ADARB2: variants seen among roughly 807,000 people sequenced by gnomAD.
The protein encoded by ADARB2 is inactive double-stranded RNA-specific editase B2.
A neutral mutation model predicts 62.2 loss-of-function variants in ADARB2; 25 were observed. The ratio of observed to expected loss-of-function variants is 0.40; its 90% CI spans 0.29 to 0.56. The LOEUF is 0.56. Among genes scored for constraint, ADARB2 ranks in the 20% least tolerant of loss-of-function variants. The pLI is 0.43. For synonymous variants in ADARB2, 572 were observed against 500.8 expected (o/e 1.14, Z -1.90); for missense variants, 1,071 against 1,077.4 (o/e 0.99, Z 0.08).
chr10:1,697,260 G>A (rs923410099), intron 1 of ADARB2, among the ~76,000 whole-genome samples: 40 of 152,104 alleles, frequency 2.6e-4, no homozygotes, highest in African/African-American at 9.4e-4. Flanking sequence ...CCTCTCTTCC[G>A]AAAGGAAAAT....
At chr10:1,569,130 AAG>A (rs35411726) in intron 1 of ADARB2, among the ~76,000 whole-genome samples, 2 of 151,340 alleles carry the variant, frequency 1.3e-5, no homozygotes, top group African/African-American at 2.4e-5. Context: ...GACAGAGACA[AAG>A]AGAGAGACAG....
At chr10:1,411,277 G>T (rs1020826375) in intron 1 of ADARB2, among the ~76,000 whole-genome samples, 3 of 152,186 alleles carry the variant, frequency 2.0e-5, no homozygotes, top group African/African-American at 7.2e-5. Flanking sequence ...CGTCCGTGAG[G>T]CTGCGGGGCA....
intron 1 of ADARB2, among the ~76,000 whole-genome samples, chr10:1,422,462 G>T (rs1832860022): frequency 6.6e-6 from 1 of 152,118 alleles, no homozygotes; most frequent in Non-Finnish European, 1.5e-5. Flanking sequence ...CAACCCACCT[G>T]GACACTCCAC....
At chr10:1,382,087 G>A (rs1832488497) in intron 1 of ADARB2, among the ~76,000 whole-genome samples, 1 of 152,084 alleles carries the variant, frequency 6.6e-6, no homozygotes, top group Non-Finnish European at 1.5e-5. Context: ...TCAATTCATC[G>A]CATTGTACAC....
intron 3 of ADARB2, among the ~76,000 whole-genome samples, chr10:1,286,407 G>A (rs1831414885): frequency 6.6e-6 from 1 of 152,138 alleles, no homozygotes; most frequent in Admixed American, 6.5e-5. Flanking sequence ...TTACAATAAA[G>A]CTTCATTAAT....
At chr10:1,695,697 T>C (rs979969795) in intron 1 of ADARB2, among the ~76,000 whole-genome samples, 2 of 152,178 alleles carry the variant, frequency 1.3e-5, no homozygotes, top group Admixed American at 6.5e-5. Flanking sequence ...TGAATGTGTG[T>C]GCATGTATGC....
intron 3 of ADARB2, among the ~76,000 whole-genome samples, chr10:1,333,170 C>T (rs1178789299): frequency 6.6e-6 from 1 of 152,200 alleles, no homozygotes; most frequent in African/African-American, 2.4e-5. Context: ...TGAGTTAACT[C>T]GATTTCTACT....
chr10:1,551,695 C>T (rs886224285), intron 1 of ADARB2, among the ~76,000 whole-genome samples: 2 of 152,200 alleles, frequency 1.3e-5, no homozygotes, highest in African/African-American at 4.8e-5. Context: ...CCTGAGGCGC[C>T]AGGGCCTGGG....
chr10:1,194,667 T>G (rs568182285), intron 8 of ADARB2, among the ~76,000 whole-genome samples: 1 of 152,378 alleles, frequency 6.6e-6, no homozygotes, highest in Admixed American at 6.5e-5. Context: ...TGTGCTGTGT[T>G]TATTTGGTAT....
chr10:1,558,264 T>C (rs1162952439), intron 1 of ADARB2, among the ~76,000 whole-genome samples: 4 of 147,362 alleles, frequency 2.7e-5, no homozygotes, highest in African/African-American at 7.5e-5. Flanking sequence ...ATGCTCCATC[T>C]AAATCCACAT....
chr10:1,205,798 C>A (rs1295057463), intron 7 of ADARB2, among the ~76,000 whole-genome samples: 1 of 152,242 alleles, frequency 6.6e-6, no homozygotes, highest in Non-Finnish European at 1.5e-5. Flanking sequence ...CCGGGATGGA[C>A]CGAGACTGGG....
rs1831811685 is a variant in ADARB2 at position 1,504,552 on chromosome 10, G to A, written c.101-125392C>T. The stretch of plus-strand genomic sequence containing the variant: ...GGCTGTGCACTGCGTGGAGCCCCAC[G>A]TGCGTGGGCCTGGACGTTCACATGG... On this transcript the variant is annotated intron_variant, in intron 1 of 9. Coordinates refer to ENST00000381312, the MANE Select transcript of ADARB2 (RefSeq NM_018702.4). Among the ~76,000 whole-genome samples the A allele has an allele frequency of 2.0e-5, 3 of 152,298 alleles. 1 individual carries two copies. In the South Asian group the frequency reaches 6.2e-4, roughly 32 times the overall value.
At chr10:1,348,242 A>G (rs56170527) in intron 3 of ADARB2, among the ~76,000 whole-genome samples, 2 of 152,162 alleles carry the variant, frequency 1.3e-5, no homozygotes, top group Non-Finnish European at 2.9e-5. Context: ...AACTCTCAGG[A>G]AACTGTCTGA....
intron 1 of ADARB2, among the ~76,000 whole-genome samples, chr10:1,514,862 A>T (rs555161511): frequency 1.3e-5 from 2 of 152,154 alleles, no homozygotes; most frequent in African/African-American, 2.4e-5. Flanking sequence ...ACGTTGCAGG[A>T]TGGAGTGGAG....
intron 7 of ADARB2, among the ~76,000 whole-genome samples, chr10:1,213,941 G>A (rs2131751760): frequency 6.7e-6 from 1 of 150,238 alleles, no homozygotes; most frequent in African/African-American, 2.5e-5. Context: ...AGACCTGCTG[G>A]CATCGCGTGG....
chr10:1,264,071 C>T (rs139609422), intron 4 of ADARB2, among the ~76,000 whole-genome samples: 2 of 152,158 alleles, frequency 1.3e-5, no homozygotes, highest in African/African-American at 4.8e-5. Flanking sequence ...CGTCGGCCTC[C>T]GTGAATCTTA....
At chr10:1,391,169 A>T (rs1832566264) in intron 1 of ADARB2, among the ~76,000 whole-genome samples, 1 of 152,198 alleles carries the variant, frequency 6.6e-6, no homozygotes, top group African/African-American at 2.4e-5. Flanking sequence ...TGGGATTGCA[A>T]TGCATTGTGG....
intron 1 of ADARB2, among the ~76,000 whole-genome samples, chr10:1,559,027 G>A (rs542872716): frequency 1.9e-4 from 29 of 152,300 alleles, no homozygotes; most frequent in Middle Eastern, 3.4e-3. Context: ...TGGGAAAGGC[G>A]GATAAAGTCT....
chr10:1,328,730 T>C (rs1455631282), intron 3 of ADARB2, among the ~76,000 whole-genome samples: 1 of 152,056 alleles, frequency 6.6e-6, no homozygotes, highest in Non-Finnish European at 1.5e-5. Flanking sequence ...GTGGCTCATA[T>C]CTGTAACCCC....
Sources: allele counts gnomAD v4.1 joint callset (sites outside exome capture counted in the v4.1 genomes callset), GRCh38; gene constraint gnomAD v4.1.1; transcripts MANE v1.5; gene names NCBI Gene and HGNC (gene_info 2026-07-23, HGNC 2026-07-21).